Variants in DNAJB14 observed in about 807,000 individuals in gnomAD.
DNAJB14 encodes dnaJ homolog subfamily B member 14.
Under a neutral mutation model 48.4 loss-of-function variants are expected in DNAJB14, and 22 were observed. The ratio of observed to expected loss-of-function variants is 0.45; its 90% CI spans 0.32 to 0.65. The LOEUF (loss-of-function observed/expected upper bound fraction) is 0.65. Ranked by LOEUF, DNAJB14 falls within the 30% of genes least tolerant of loss-of-function variation. DNAJB14 has a pLI of 0.03. For missense variants in DNAJB14, 319 were observed against 458.8 expected (o/e 0.70, Z 2.78); for synonymous variants, 142 against 158.7 (o/e 0.89, Z 0.79).
In DNAJB14 at chr4:99,896,679, A is replaced by G. The variant is rs938446967; in HGVS notation, c.*4349T>C. On this transcript the variant is annotated 3_prime_UTR_variant, in exon 8 of 8. Transcript: ENST00000442697. Reference sequence around the variant, plus strand: ...ATATCATTTATGTGTGTTTCTTCTCATTGGTTTAATCATCCTATTAAAAAT... The same window carrying G: ...ATATCATTTATGTGTGTTTCTTCTCGTTGGTTTAATCATCCTATTAAAAAT... The G allele has an allele frequency of 1.3e-5, 2 of 152,194 alleles. No homozygotes were observed. The highest frequency in any genetic ancestry group is 2.9e-5 in the Non-Finnish European group (2 of 67,992). 9.4% of individuals were successfully genotyped at this position (152,194 alleles called of 1,614,324 possible).
At chr4:99,910,539 C>T (rs1368700923) in intron 3 of DNAJB14, among the ~76,000 whole-genome samples, 1 of 151,700 alleles carries the variant, frequency 6.6e-6, no homozygotes, top group Non-Finnish European at 1.5e-5. Context: ...TATAGGCAAC[C>T]CAATTCTATT....
chr4:99,934,156 CA>C (rs988257358), intron 1 of DNAJB14, among the ~76,000 whole-genome samples: 1 of 150,634 alleles, frequency 6.6e-6, no homozygotes, highest in Non-Finnish European at 1.5e-5. Context: ...ACAGGGAAAA[CA>C]AAAAAAATGA....
At chr4:99,918,431 A>T (rs1312471867) in intron 3 of DNAJB14, among the ~76,000 whole-genome samples, 1 of 152,236 alleles carries the variant, frequency 6.6e-6, no homozygotes, top group East Asian at 1.9e-4. Context: ...AGTTTGAGAT[A>T]TTCCTGGTTC....
chr4:99,912,536 A>G (rs1725701368), intron 3 of DNAJB14, among the ~76,000 whole-genome samples: 1 of 151,994 alleles, frequency 6.6e-6, no homozygotes, highest in Non-Finnish European at 1.5e-5. Flanking sequence ...CTGGAGCGCA[A>G]CGGCGCGATC....
At chr4:99,941,596 T>C (rs1159362204) in intron 1 of DNAJB14, among the ~76,000 whole-genome samples, 1 of 152,172 alleles carries the variant, frequency 6.6e-6, no homozygotes, top group Non-Finnish European at 1.5e-5. Flanking sequence ...ATACTTCATG[T>C]TTCCCCTAGA....
At chr4:99,917,349 A>T (rs947820587) in intron 3 of DNAJB14, among the ~76,000 whole-genome samples, 1 of 152,136 alleles carries the variant, frequency 6.6e-6, no homozygotes, top group Non-Finnish European at 1.5e-5. Context: ...TTTATAACCA[A>T]ATCTATTTCT....
intron 1 of DNAJB14, among the ~76,000 whole-genome samples, chr4:99,937,077 G>A (rs540531443): frequency 6.6e-6 from 1 of 152,336 alleles, no homozygotes; most frequent in South Asian, 2.1e-4. Flanking sequence ...AGAACTTTGG[G>A]AGGCCGAGGC....
chr4:99,945,122 A>C (rs1377838954), intron 1 of DNAJB14, among the ~76,000 whole-genome samples: 1 of 152,220 alleles, frequency 6.6e-6, no homozygotes, highest in Non-Finnish European at 1.5e-5. Context: ...AAAAGTTCTG[A>C]AGAGTCCTTG....
chr4:99,919,721 T>G (rs372296889), intron 3 of DNAJB14, among the ~76,000 whole-genome samples: 5 of 152,350 alleles, frequency 3.3e-5, no homozygotes, highest in Admixed American at 6.5e-5. Context: ...TTTGTTTTCT[T>G]TATTTTATAT....
At chr4:99,912,075 GTTAA>G (rs1725683530) in intron 3 of DNAJB14, among the ~76,000 whole-genome samples, 1 of 152,114 alleles carries the variant, frequency 6.6e-6, no homozygotes, top group Non-Finnish European at 1.5e-5. Context: ...TTTCGTCAGG[GTTAA>G]TTTTTTGGCC....
chr4:99,930,646 GC>G, intron 1 of DNAJB14, 25 bp from the exon 2 acceptor site: 1 of 1,591,624 alleles, frequency 6.3e-7, no homozygotes, highest in South Asian at 1.2e-5. Context: ...AGTACACTAT[GC>G]CTGTTTACAT....
chr4:99,937,421 T>C (rs772617824), intron 1 of DNAJB14, among the ~76,000 whole-genome samples: 2 of 151,984 alleles, frequency 1.3e-5, no homozygotes, highest in Non-Finnish European at 2.9e-5. Context: ...TCTCCTGATA[T>C]GTTACACTAA....
intron 1 of DNAJB14, among the ~76,000 whole-genome samples, chr4:99,937,944 G>T (rs1401996109): frequency 7.0e-6 from 1 of 142,148 alleles, no homozygotes; most frequent in Non-Finnish European, 1.5e-5. Flanking sequence ...AAAAAAAAAA[G>T]TTGAGGGAAA....
intron 1 of DNAJB14, among the ~76,000 whole-genome samples, chr4:99,937,091 C>A (rs1033758944): frequency 6.6e-6 from 1 of 151,992 alleles, no homozygotes; most frequent in African/African-American, 2.4e-5. Context: ...CCGAGGCGGG[C>A]GGATCAGGAG....
Position 99,897,909 on chromosome 4 carries a change from G to A in DNAJB14, c.*3119C>T, listed in dbSNP as rs1241940345. 2.0e-5 allele frequency: 3 copies of A among 151,852 alleles called. No individual in the cohort carries two copies. The highest frequency in any genetic ancestry group is 4.4e-5 in the Non-Finnish European group (3 of 67,842). 9.4% of individuals were successfully genotyped at this position (151,852 alleles called of 1,614,324 possible). A position where few individuals can be genotyped will look rare whatever the true frequency, so the allele number is the denominator to read the frequency against. On this transcript the variant is annotated 3_prime_UTR_variant, in exon 8 of 8. Transcript: ENST00000442697. ...ATAAAACTTGCTTAACTGGCAAGATGGCTCACTTGGTCCTCAAGCCAACAT... is the reference window on the plus strand; with the variant it reads ...ATAAAACTTGCTTAACTGGCAAGATAGCTCACTTGGTCCTCAAGCCAACAT...
intron 3 of DNAJB14, among the ~76,000 whole-genome samples, chr4:99,910,903 C>T (rs2114442): frequency 0.53 from 81,109 of 151,736 alleles, 23,294 homozygotes; most frequent in African/African-American, 0.76. Flanking sequence ...TTTTTCCCAA[C>T]AGTAATATTT....
rs1040524903 is a variant in DNAJB14 at position 99,931,174 on chromosome 4, G to T, written c.134-553C>A. Among the ~76,000 whole-genome samples the T allele has an allele frequency of 7.9e-5, 12 of 152,178 alleles. No homozygotes were observed. In the East Asian group the frequency reaches 2.3e-3, roughly 29 times the overall value. ...AGGATACTGTAATATATACATTTCA[G>T]GCAAAAGGAAAACATTTACAGATAG... On this transcript the variant is annotated intron_variant, in intron 1 of 7. Coordinates refer to ENST00000442697, the MANE Select transcript of DNAJB14 (RefSeq NM_001031723.4).
chr4:99,932,456 C>CA (rs1220497409), intron 1 of DNAJB14, among the ~76,000 whole-genome samples: 1 of 152,010 alleles, frequency 6.6e-6, no homozygotes, highest in Non-Finnish European at 1.5e-5. Flanking sequence ...ATCAAAACCA[C>CA]AAAGAGAAGT....
intron 1 of DNAJB14, among the ~76,000 whole-genome samples, chr4:99,946,231 C>T (rs1236335299): frequency 6.6e-6 from 1 of 152,162 alleles, no homozygotes; most frequent in East Asian, 1.9e-4. Context: ...AGGAACCTCG[C>T]GCAGCATTCC....
Sources: gnomAD v4.1 joint callset for allele counts (sites outside exome capture counted in the v4.1 genomes callset) on GRCh38, gnomAD v4.1.1 for gene constraint, MANE v1.5 for transcripts, NCBI Gene and HGNC (gene_info 2026-07-23, HGNC 2026-07-21) for gene names.